The following TG variants were observed in gnomAD, a reference collection of about 807,000 sequenced individuals.
TG encodes the protein thyroid hormones.
In TG, 270 loss-of-function variants were observed where a neutral mutation model predicts 324.7. That is an observed-to-expected ratio of 0.83 (90% CI 0.75 to 0.92). The LOEUF is 0.92. Among genes scored for constraint, TG ranks in the 40% least tolerant of loss-of-function variants. The pLI is 0.00. For synonymous variants in TG, 1,401 were observed against 1,327.0 expected (o/e 1.06, Z -1.21); for missense variants, 3,591 against 3,456.4 (o/e 1.04, Z -0.98).
chr8:133,007,282 C>T (rs1564066980), intron 35 of TG, among the ~76,000 whole-genome samples: 2 of 151,848 alleles, frequency 1.3e-5, no homozygotes, highest in African/African-American at 4.8e-5. Flanking sequence ...GAAGAAAACA[C>T]AAGAGTTGAC....
chr8:132,888,419 T>A lies in TG; in HGVS notation c.2612T>A (p.Ile871Asn), dbSNP rs775465749. 6.2e-7 allele frequency: 1 copy of A among 1,613,452 alleles called. No homozygotes were observed. The highest frequency in any genetic ancestry group is 1.7e-5 in the Admixed American group (1 of 59,988). The change falls in exon 10 of 48, where the codon ATC (isoleucine) becomes AAC (asparagine). Residue 871 changes from isoleucine to asparagine, a missense_variant. Ile to Asn is a moderately radical substitution (Grantham distance 149). Coordinates refer to ENST00000220616, the MANE Select transcript of TG (RefSeq NM_003235.5). ...CTGGAGCCCTACCTCTTCTGGCAGATCTTAAATGGCCAACTCAGCCAATAC... is the reference window on the plus strand; with the variant it reads ...CTGGAGCCCTACCTCTTCTGGCAGAACTTAAATGGCCAACTCAGCCAATAC... Reference protein sequence around the residue: ...ILLEPYLFWQILNGQLSQYPG... With the variant: ...ILLEPYLFWQNLNGQLSQYPG...
At chr8:133,039,974 CACACA>C in intron 41 of TG, 1 of 1,524,444 alleles carries the variant, frequency 6.6e-7, no homozygotes, top group East Asian at 2.5e-5. Flanking sequence ...CACACACACA[CACACA>C]TACACACACC....
intron 37 of TG, 111 bp downstream of exon 37, chr8:133,013,875 T>A: frequency 7.3e-7 from 1 of 1,361,074 alleles, no homozygotes; most frequent in South Asian, 1.3e-5. Flanking sequence ...GCCAAAGTTC[T>A]GGGCTAGGTG....
At chr8:133,025,083 C>T (rs189683121) in intron 40 of TG, among the ~76,000 whole-genome samples, 30 of 152,318 alleles carry the variant, frequency 2.0e-4, no homozygotes, top group African/African-American at 5.8e-4. Context: ...TCTCACATTG[C>T]GCCTCCGTGC....
At chr8:133,026,678 C>T (rs1386140592) in intron 40 of TG, among the ~76,000 whole-genome samples, 1 of 152,154 alleles carries the variant, frequency 6.6e-6, no homozygotes, top group Non-Finnish European at 1.5e-5. Context: ...GAAGGTCCGG[C>T]TGCCAACGGT....
Position 133,007,149 on chromosome 8 carries a change from G to A in TG, c.6263-4752G>A, listed in dbSNP as rs1834082367. Among the ~76,000 whole-genome samples, 2 of 152,108 alleles carry A rather than the reference G, an allele frequency of 1.3e-5. 1 individual carries two copies. The highest frequency in any genetic ancestry group is 4.1e-4 in the South Asian group (2 of 4,826). On this transcript the variant is annotated intron_variant, in intron 35 of 47. Coordinates refer to ENST00000220616, the MANE Select transcript of TG (RefSeq NM_003235.5). ...AAGCAGGCAGAGTTCAAAAGACAGAGCCTTTTTAATTTAGGCCTTTAAAAT... is the reference window on the plus strand; with the variant it reads ...AAGCAGGCAGAGTTCAAAAGACAGAACCTTTTTAATTTAGGCCTTTAAAAT...
intron 28 of TG, among the ~76,000 whole-genome samples, chr8:132,961,991 T>C (rs576418192): frequency 1.7e-4 from 26 of 152,158 alleles, no homozygotes; most frequent in South Asian, 1.4e-3. Flanking sequence ...AGATTCCCCA[T>C]GGGTAACGTG....
At chr8:132,869,862 C>G in intron 3 of TG, 36 bp downstream of exon 3, 1 of 1,584,856 alleles carries the variant, frequency 6.3e-7, no homozygotes, top group African/African-American at 1.3e-5. Flanking sequence ...TGGAGGGACC[C>G]TGCTAGGACA....
intron 6 of TG, 22 bp from the exon 7 acceptor site, chr8:132,882,447 A>C (rs1814778528): frequency 6.2e-7 from 1 of 1,614,132 alleles, no homozygotes; most frequent in Non-Finnish European, 8.5e-7. Context: ...CCATCTCTGA[A>C]AGTCTTGCTG....
chr8:133,064,319 TAGAC>T (rs1402398100), intron 41 of TG: 2 of 152,226 alleles, frequency 1.3e-5, no homozygotes, highest in Non-Finnish European at 2.9e-5. Context: ...GAAGTCCTAT[TAGAC>T]AGAATCCCAA....
intron 35 of TG, among the ~76,000 whole-genome samples, chr8:132,990,582 C>G (rs1050325911): frequency 2.0e-5 from 3 of 152,142 alleles, no homozygotes; most frequent in Admixed American, 6.6e-5. Flanking sequence ...CCTCCCCCTC[C>G]CTCTGATCTT....
intron 40 of TG, among the ~76,000 whole-genome samples, chr8:133,027,895 T>A (rs962346539): frequency 8.5e-5 from 13 of 152,176 alleles, no homozygotes; most frequent in African/African-American, 3.1e-4. Flanking sequence ...CCGTAATTGC[T>A]TGGTAACTGC....
intron 21 of TG, among the ~76,000 whole-genome samples, chr8:132,922,882 A>C (rs1821308992): frequency 6.6e-6 from 1 of 152,240 alleles, no homozygotes; most frequent in Non-Finnish European, 1.5e-5. Flanking sequence ...CACACTGGGC[A>C]CTGGGTTTCC....
chr8:132,888,227 T>C lies in TG; in HGVS notation c.2420T>C (p.Met807Thr). 3.1e-6 allele frequency: 5 copies of C among 1,614,196 alleles called. No homozygotes were observed. Among genetic ancestry groups the C allele is most frequent in the Non-Finnish European group, 4.2e-6 (5 of 1,180,032 alleles). The stretch of plus-strand genomic sequence containing the variant: ...CCTGCCAAGCTGCTAGTGAAGATCA[T>C]GAGCTACAGAGAAGCAGCTTCCGGA... ...LTPAKLLVKIMSYREAASGNF... is the reference protein window; with the variant it reads ...LTPAKLLVKITSYREAASGNF... Residue 807 changes from methionine (M) to threonine (T), a missense_variant, in exon 10 of 48, where the codon ATG becomes ACG. Met to Thr is a moderately conservative substitution (Grantham distance 81). Transcript: ENST00000220616.
chr8:132,969,182 A>C (rs549626139), intron 31 of TG, among the ~76,000 whole-genome samples: 105 of 152,208 alleles, frequency 6.9e-4, no homozygotes, highest in Admixed American at 2.7e-3. Flanking sequence ...AAAGTTGAGT[A>C]GTTTTCTTGG....
At chr8:132,994,992 T>C (rs1832733885) in intron 35 of TG, 1 of 974,500 alleles carries the variant, frequency 1.0e-6, no homozygotes, top group Non-Finnish European at 1.2e-6. Flanking sequence ...AATTTTGTAA[T>C]TCTCAGCATT....
intron 5 of TG, among the ~76,000 whole-genome samples, chr8:132,877,728 T>G (rs913459972): frequency 6.6e-6 from 1 of 152,224 alleles, no homozygotes; most frequent in African/African-American, 2.4e-5. Context: ...GCATTTGCTT[T>G]CTTGAGGATT....
intron 37 of TG, among the ~76,000 whole-genome samples, chr8:133,016,342 A>G (rs1381583607): frequency 2.6e-5 from 4 of 152,176 alleles, no homozygotes; most frequent in Non-Finnish European, 4.4e-5. Context: ...AGGATGTCTA[A>G]CAACAGCCCT....
At chr8:133,019,190 G>A (rs1415489506) in intron 38 of TG, among the ~76,000 whole-genome samples, 2 of 152,196 alleles carry the variant, frequency 1.3e-5, no homozygotes, top group Admixed American at 1.3e-4. Flanking sequence ...CATACTGGGA[G>A]TTGCTCAAAC....
Sources: gnomAD v4.1 joint callset for allele counts (sites outside exome capture counted in the v4.1 genomes callset) on GRCh38, gnomAD v4.1.1 for gene constraint, MANE v1.5 for transcripts, NCBI Gene and HGNC (gene_info 2026-07-23, HGNC 2026-07-21) for gene names.